Variants in GREM2 observed in about 807,000 individuals in gnomAD.
GREM2 encodes gremlin-2.
Under a neutral mutation model 14.2 loss-of-function variants are expected in GREM2, and 11 were observed. The observed-to-expected ratio is 0.78, with a 90% CI of 0.49 to 1.28. GREM2 has a LOEUF of 1.28. Ranked by LOEUF, GREM2 falls within the 50% of genes most tolerant of loss-of-function variation. The pLI is 0.00. For synonymous variants in GREM2, 98 were observed against 97.6 expected (o/e 1.00, Z -0.02); for missense variants, 210 against 218.5 (o/e 0.96, Z 0.24).
chr1:240,582,617 G>A (rs1241028297), intron 1 of GREM2, among the ~76,000 whole-genome samples: 2 of 152,100 alleles, frequency 1.3e-5, no homozygotes, highest in African/African-American at 4.8e-5. Context: ...CCAACATGGT[G>A]AAACCCCATC....
At chr1:240,519,599 T>C (rs1678032943) in intron 1 of GREM2, among the ~76,000 whole-genome samples, 1 of 152,208 alleles carries the variant, frequency 6.6e-6, no homozygotes, top group South Asian at 2.1e-4. Context: ...TTGATAGAGA[T>C]TAAATATTCT....
intron 1 of GREM2, among the ~76,000 whole-genome samples, chr1:240,554,999 G>A (rs1337295114): frequency 1.3e-5 from 2 of 152,024 alleles, no homozygotes; most frequent in African/African-American, 4.8e-5. Flanking sequence ...CCAAAAATTA[G>A]CAGGGCATAG....
At chr1:240,507,020 A>C (rs1353841638) in intron 1 of GREM2, among the ~76,000 whole-genome samples, 1 of 152,206 alleles carries the variant, frequency 6.6e-6, no homozygotes, top group Non-Finnish European at 1.5e-5. Flanking sequence ...ATGGGGCTGG[A>C]GCCGGGGCTG....
chr1:240,503,545 G>A (rs981470022), intron 1 of GREM2, among the ~76,000 whole-genome samples: 3 of 152,170 alleles, frequency 2.0e-5, no homozygotes, highest in African/African-American at 7.2e-5. Flanking sequence ...TTGGCACAAT[G>A]CATAGGCCTT....
intron 1 of GREM2, among the ~76,000 whole-genome samples, chr1:240,504,980 A>T (rs773011300): frequency 6.6e-6 from 1 of 152,076 alleles, no homozygotes; most frequent in Non-Finnish European, 1.5e-5. Context: ...ATAATCCCCA[A>T]TGTTGGAGGT....
chr1:240,557,661 T>C (rs1678976098), intron 1 of GREM2, among the ~76,000 whole-genome samples: 1 of 152,172 alleles, frequency 6.6e-6, no homozygotes, highest in Admixed American at 6.5e-5. Context: ...TAATCTTCCA[T>C]GTACCCTTTT....
At chr1:240,585,665 G>A (rs1253841505) in intron 1 of GREM2, among the ~76,000 whole-genome samples, 2 of 148,194 alleles carry the variant, frequency 1.3e-5, no homozygotes, top group Admixed American at 6.8e-5. Context: ...GGGAGGCGGA[G>A]GTTTCAGTGA....
chr1:240,611,701 T>C (rs773269774), intron 1 of GREM2, among the ~76,000 whole-genome samples, 183 bp downstream of exon 1: 5 of 152,168 alleles, frequency 3.3e-5, no homozygotes, highest in Non-Finnish European at 5.9e-5. Context: ...TGAATAAACC[T>C]TGTGGCCCCC....
chr1:240,525,033 C>T (rs1232813468), intron 1 of GREM2, among the ~76,000 whole-genome samples: 3 of 56,040 alleles, frequency 5.4e-5, no homozygotes, highest in South Asian at 6.9e-4. Flanking sequence ...TCTACTTCCT[C>T]GGGAACCTCA....
chr1:240,505,201 G>A (rs1402231190), intron 1 of GREM2, among the ~76,000 whole-genome samples: 1 of 152,122 alleles, frequency 6.6e-6, no homozygotes, highest in African/African-American at 2.4e-5. Context: ...GTTTCCTGAG[G>A]CCTCCCCAGA....
intron 1 of GREM2, among the ~76,000 whole-genome samples, chr1:240,575,366 T>C (rs957281507): frequency 6.6e-6 from 1 of 150,580 alleles, no homozygotes; most frequent in African/African-American, 2.4e-5. Flanking sequence ...CAAATAGTTC[T>C]CAAGAATCAG....
chr1:240,517,039 ACAACCTGC>A, intron 1 of GREM2, among the ~76,000 whole-genome samples: 1 of 152,220 alleles, frequency 6.6e-6, no homozygotes, highest in Non-Finnish European at 1.5e-5. Flanking sequence ...GGAAAACAAT[ACAACCTGC>A]TCATAATGTT....
At chr1:240,568,362 C>T (rs1324407326) in intron 1 of GREM2, among the ~76,000 whole-genome samples, 2 of 151,596 alleles carry the variant, frequency 1.3e-5, no homozygotes, top group African/African-American at 2.4e-5. Flanking sequence ...AAAGGAGATA[C>T]ATTGGATTCA....
At chr1:240,581,191 A>G (rs1228880246) in intron 1 of GREM2, among the ~76,000 whole-genome samples, 4 of 151,714 alleles carry the variant, frequency 2.6e-5, no homozygotes, top group East Asian at 1.9e-4. Context: ...TGGAGGTTGC[A>G]GTGAGCCAAG....
chr1:240,508,051 T>G (rs540092933), intron 1 of GREM2, among the ~76,000 whole-genome samples: 1 of 152,320 alleles, frequency 6.6e-6, no homozygotes, highest in South Asian at 2.1e-4. Context: ...GTGCCTGGGC[T>G]TGAAATTCCC....
rs370321961 is a variant in GREM2 at position 240,585,729 on chromosome 1, CAAAAAAA to C, written c.-2+26148_-2+26154del. Among the ~76,000 whole-genome samples, 60 of 67,822 alleles carry C rather than the reference CAAAAAAA, an allele frequency of 8.8e-4. 1 individual carries two copies. Among genetic ancestry groups the C allele is most frequent in the Non-Finnish European group, 1.5e-3 (44 of 29,742 alleles). The allele number at this position is 67,822 out of a possible 152,430, so 44.5% of individuals were successfully genotyped here. A position where few individuals can be genotyped will look rare whatever the true frequency, so the allele number is the denominator to read the frequency against. ...TAGGTGACAGAGAGAGACTCCATCT[CAAAAAAA>C]AAAAAAAAAAAAAAAAAAAAGAGAA... On this transcript the variant is annotated intron_variant, in intron 1 of 1. Coordinates refer to ENST00000318160, the MANE Select transcript of GREM2 (RefSeq NM_022469.4).
chr1:240,549,595 CA>C (rs1678804983), intron 1 of GREM2, among the ~76,000 whole-genome samples: 1 of 152,094 alleles, frequency 6.6e-6, no homozygotes, highest in Non-Finnish European at 1.5e-5. Context: ...GGTGGGGTTC[CA>C]CAGAACTGAG....
At chr1:240,563,135 ATGTGTG>A (rs10549945) in intron 1 of GREM2, among the ~76,000 whole-genome samples, 1 of 134,482 alleles carries the variant, frequency 7.4e-6, no homozygotes, top group African/African-American at 2.8e-5. Context: ...GTGTATGTGT[ATGTGTG>A]TGTGTGAGTG....
At chr1:240,546,366 A>T (rs1002490545) in intron 1 of GREM2, among the ~76,000 whole-genome samples, 61 of 151,942 alleles carry the variant, frequency 4.0e-4, no homozygotes, top group Non-Finnish European at 2.1e-4. Flanking sequence ...CAAAGAAAGA[A>T]AATTTTGTTG....
Sources: gnomAD v4.1 joint callset for allele counts (sites outside exome capture counted in the v4.1 genomes callset) on GRCh38, gnomAD v4.1.1 for gene constraint, MANE v1.5 for transcripts, NCBI Gene and HGNC (gene_info 2026-07-23, HGNC 2026-07-21) for gene names.